The following PIK3C2G variants were observed in gnomAD, a reference collection of about 807,000 sequenced individuals.
PIK3C2G encodes the protein phosphatidylinositol 3-kinase C2 domain-containing subunit gamma.
A neutral mutation model predicts 181.1 loss-of-function variants in PIK3C2G; 168 were observed. The observed-to-expected ratio is 0.93, with a 90% CI of 0.82 to 1.05. The LOEUF (loss-of-function observed/expected upper bound fraction) is 1.05, where lower values mean the gene tolerates loss of function less well. PIK3C2G is among the 50% of genes least tolerant of loss of function. The pLI is 0.00. For synonymous variants in PIK3C2G, 573 were observed against 592.2 expected (o/e 0.97, Z 0.47); for missense variants, 1,869 against 1,732.8 (o/e 1.08, Z -1.40).
chr12:18,562,712 G>A lies in PIK3C2G; in HGVS notation c.3600G>A (p.Lys1200=), dbSNP rs571784608. The A allele has an allele frequency of 6.3e-7, 1 of 1,582,686 alleles. No individual in the cohort carries two copies. The highest frequency in any genetic ancestry group is 1.3e-5 in the African/African-American group (1 of 74,390). Residue 1200 remains lysine, a synonymous_variant, in exon 27 of 33, where the codon AAG becomes AAA. Transcript: ENST00000538779. ...EATSHFTKKI[K]ESLECFPVKL... Reference sequence around the variant, plus strand: ...TTTTACATTTCTCTAGGAAAATAAAGGAAAGTCTGGAGTGTTTCCCTGTTA... The same window carrying A: ...TTTTACATTTCTCTAGGAAAATAAAAGAAAGTCTGGAGTGTTTCCCTGTTA...
intron 18 of PIK3C2G, among the ~76,000 whole-genome samples, chr12:18,481,046 C>T (rs1015543668): frequency 6.6e-6 from 1 of 152,178 alleles, no homozygotes; most frequent in Non-Finnish European, 1.5e-5. Flanking sequence ...AATTCTCCTG[C>T]CTCAGCCTCC....
intron 31 of PIK3C2G, among the ~76,000 whole-genome samples, chr12:18,619,857 T>TG (rs1948768745): frequency 6.6e-6 from 1 of 151,780 alleles, no homozygotes; most frequent in Non-Finnish European, 1.5e-5. Context: ...CCCGAGTAGC[T>TG]GGGACTACAG....
chr12:18,443,374 A>G (rs538629246), intron 18 of PIK3C2G, among the ~76,000 whole-genome samples: 1 of 152,254 alleles, frequency 6.6e-6, no homozygotes, highest in East Asian at 1.9e-4. Context: ...AAATATCAGT[A>G]TATTTATTTA....
At chr12:18,565,112 C>CA (rs1945560253) in intron 28 of PIK3C2G, among the ~76,000 whole-genome samples, 1 of 152,218 alleles carries the variant, frequency 6.6e-6, no homozygotes, top group African/African-American at 2.4e-5. Flanking sequence ...TGCATGCTGA[C>CA]ACTCACAAAG....
the PIK3C2G span, among the ~76,000 whole-genome samples, chr12:18,664,038 A>G: frequency 6.6e-6 from 1 of 152,186 alleles, no homozygotes; most frequent in African/African-American, 2.4e-5. Flanking sequence ...AATCAAAACT[A>G]CAATGATATA....
At chr12:18,498,507 A>T (rs1941187548) in intron 22 of PIK3C2G, among the ~76,000 whole-genome samples, 1 of 152,168 alleles carries the variant, frequency 6.6e-6, no homozygotes, top group Admixed American at 6.5e-5. Context: ...TAGCACATAC[A>T]TGTGCATAAA....
At chr12:18,336,104 C>A (rs918713139) in intron 8 of PIK3C2G, among the ~76,000 whole-genome samples, 3 of 152,052 alleles carry the variant, frequency 2.0e-5, no homozygotes, top group African/African-American at 2.4e-5. Flanking sequence ...TGTTTCATTT[C>A]TCTTATAAAC....
At chr12:18,330,315 A>C (rs537772994) in intron 8 of PIK3C2G, among the ~76,000 whole-genome samples, 1 of 152,270 alleles carries the variant, frequency 6.6e-6, no homozygotes, top group South Asian at 2.1e-4. Context: ...TCTTTACAGT[A>C]AATCTCTCTC....
chr12:18,476,951 A>T (rs73068581), intron 18 of PIK3C2G, among the ~76,000 whole-genome samples: 3,944 of 152,144 alleles, frequency 0.026, 65 homozygotes, highest in Middle Eastern at 0.072. Context: ...GGTGATTTAA[A>T]CAACAGAAAT....
At chr12:18,420,910 C>G (rs770369758) in intron 16 of PIK3C2G, 31 bp from the exon 17 acceptor site, 1 of 1,141,974 alleles carries the variant, frequency 8.8e-7, no homozygotes, top group South Asian at 1.2e-5. Flanking sequence ...TTACCATTAA[C>G]AGCTTAGTGG....
Position 18,559,821 on chromosome 12 carries a change from T to TAG in PIK3C2G, c.3591-2838_3591-2837dup, listed in dbSNP as rs1171468138. Among the ~76,000 whole-genome samples, 167 of 18,370 alleles carry TAG rather than the reference T, an allele frequency of 9.1e-3. 6 individuals carry two copies. Among genetic ancestry groups the TAG allele is most frequent in the East Asian group, 0.03 (9 of 302 alleles). 12.1% of individuals were successfully genotyped at this position (18,370 alleles called of 152,430 possible). On this transcript the variant is annotated intron_variant, in intron 26 of 32. Transcript: ENST00000538779. ...ATATATATATATATATATATATATA[T>TAG]AGAGAGAGAGAGAGAGAGAGAGAGA...
chr12:18,554,910 A>G (rs182578218), intron 26 of PIK3C2G, among the ~76,000 whole-genome samples: 85 of 152,258 alleles, frequency 5.6e-4, no homozygotes, highest in Non-Finnish European at 1.1e-3. Flanking sequence ...AATACAAAAA[A>G]CAAAGTAATG....
chr12:18,549,516 G>A (rs1418206401), intron 26 of PIK3C2G, among the ~76,000 whole-genome samples: 1 of 151,898 alleles, frequency 6.6e-6, no homozygotes. Context: ...TTATACTAGT[G>A]AATTGAGACC....
the PIK3C2G span, chr12:18,684,392 G>C: frequency 2.0e-6 from 2 of 993,200 alleles, no homozygotes; most frequent in Admixed American, 4.4e-5. Context: ...ATAATATCTT[G>C]TGTTTAGAGC....
the PIK3C2G span, chr12:18,683,237 T>C: frequency 3.7e-6 from 6 of 1,611,824 alleles, no homozygotes; most frequent in Non-Finnish European, 5.1e-6. Context: ...TATCATTAGC[T>C]GTTATCTGAC....
chr12:18,407,288 A>G (rs1009938011), intron 16 of PIK3C2G, among the ~76,000 whole-genome samples: 2 of 152,164 alleles, frequency 1.3e-5, no homozygotes, highest in African/African-American at 4.8e-5. Flanking sequence ...TAAAACTTAC[A>G]TGATAAAGAG....
In PIK3C2G at chr12:18,424,038, T is replaced by C. The variant is rs368744362; in HGVS notation, c.2503T>C (p.Trp835Arg). The change falls in exon 18 of 33, where the codon TGG becomes CGG. Residue 835 changes from tryptophan to arginine, a missense_variant and splice_region_variant. Physicochemically the swap from Trp to Arg is moderately radical, Grantham distance 101 (BLOSUM62 -3). Coordinates refer to ENST00000538779, the MANE Select transcript of PIK3C2G (RefSeq NM_001288772.2). ...CATCCAGGTTGCCCATCGTCTTTACTGGTAAGATTAACTAAATCAGGCAAG... is the reference window on the plus strand; with the variant it reads ...CATCCAGGTTGCCCATCGTCTTTACCGGTAAGATTAACTAAATCAGGCAAG... ...QSIQVAHRLY[W>R]LLKNAENEAY... 1.9e-6 allele frequency: 3 copies of C among 1,598,840 alleles called. No individual in the cohort carries two copies. The highest frequency in any genetic ancestry group is 2.7e-5 in the African/African-American group (2 of 74,818).
chr12:18,320,237 T>C (rs958795777), intron 6 of PIK3C2G: 1 of 152,318 alleles, frequency 6.6e-6, no homozygotes, highest in East Asian at 1.9e-4. Context: ...TGCAATTATG[T>C]TGAGACATAC....
At chr12:18,498,252 C>G (rs1245705810) in intron 22 of PIK3C2G, among the ~76,000 whole-genome samples, 1 of 152,152 alleles carries the variant, frequency 6.6e-6, no homozygotes, top group Non-Finnish European at 1.5e-5. Flanking sequence ...GAACATATGT[C>G]AGCATTTCTT....
Sources: allele counts gnomAD v4.1 joint callset (sites outside exome capture counted in the v4.1 genomes callset), GRCh38; gene constraint gnomAD v4.1.1; transcripts MANE v1.5; gene names NCBI Gene and HGNC (gene_info 2026-07-23, HGNC 2026-07-21).